The following NXPH1 variants were observed in gnomAD, a reference collection of about 807,000 sequenced individuals.
NXPH1 encodes neurexophilin 1.
In NXPH1, 5 loss-of-function variants were observed where a neutral mutation model predicts 23.7. The observed-to-expected ratio is 0.21, with a 90% CI of 0.11 to 0.44. The LOEUF (loss-of-function observed/expected upper bound fraction) is 0.44, where lower values mean the gene tolerates loss of function less well. Ranked by LOEUF, NXPH1 falls within the 20% of genes least tolerant of loss-of-function variation. NXPH1 has a pLI of 0.99. For missense variants in NXPH1, 324 were observed against 321.6 expected (o/e 1.01, Z -0.06); for synonymous variants, 144 against 122.2 (o/e 1.18, Z -1.18).
At chr7:8,579,825 A>G (rs370560188) in intron 2 of NXPH1, among the ~76,000 whole-genome samples, 1 of 152,198 alleles carries the variant, frequency 6.6e-6, no homozygotes, top group East Asian at 1.9e-4. Flanking sequence ...ACCTTGAAGG[A>G]TGGTCCAGCT....
At chr7:8,564,335 G>T (rs1423425380) in intron 2 of NXPH1, among the ~76,000 whole-genome samples, 1 of 151,804 alleles carries the variant, frequency 6.6e-6, no homozygotes, top group Non-Finnish European at 1.5e-5. Flanking sequence ...AAATAGTTCT[G>T]TTAATAAAAG....
chr7:8,655,568 ATG>A lies in NXPH1; in HGVS notation c.55-95416_55-95415del, dbSNP rs36170352. On this transcript the variant is annotated intron_variant, in intron 2 of 2. Coordinates refer to ENST00000405863, the MANE Select transcript of NXPH1 (RefSeq NM_152745.3). ...CTTTTTCATCTCAATGTGTAAATGC[ATG>A]TGTGTGTGTGTGTGTGTGTGTGTAT... 6.2e-3 allele frequency among the ~76,000 whole-genome samples: 231 copies of A among 37,436 alleles called. 55 individuals are homozygous for A. The highest frequency in any genetic ancestry group is 0.011 in the African/African-American group (140 of 12,194). 24.6% of individuals were successfully genotyped at this position (37,436 alleles called of 152,430 possible).
At chr7:8,643,663 C>A (rs1447443858) in intron 2 of NXPH1, among the ~76,000 whole-genome samples, 1 of 152,010 alleles carries the variant, frequency 6.6e-6, no homozygotes, top group Non-Finnish European at 1.5e-5. Flanking sequence ...TCTCTATATA[C>A]CTACTTATTG....
At chr7:8,607,208 C>T (rs540176618) in intron 2 of NXPH1, among the ~76,000 whole-genome samples, 7 of 152,152 alleles carry the variant, frequency 4.6e-5, no homozygotes, top group South Asian at 4.1e-4. Context: ...AATAATTGGC[C>T]TATCCATAAT....
chr7:8,683,755 T>C (rs907531974), intron 2 of NXPH1, among the ~76,000 whole-genome samples: 2 of 152,194 alleles, frequency 1.3e-5, no homozygotes, highest in Non-Finnish European at 2.9e-5. Context: ...GATCATCTTG[T>C]CACTTAACAA....
At chr7:8,643,420 C>T (rs1217443079) in intron 2 of NXPH1, among the ~76,000 whole-genome samples, 1 of 152,088 alleles carries the variant, frequency 6.6e-6, no homozygotes, top group African/African-American at 2.4e-5. Flanking sequence ...CATGAATATT[C>T]TCAAAATAGG....
intron 2 of NXPH1, among the ~76,000 whole-genome samples, chr7:8,593,657 C>T (rs1819152454): frequency 6.6e-6 from 1 of 151,882 alleles, no homozygotes; most frequent in Non-Finnish European, 1.5e-5. Context: ...AATAATACAC[C>T]AGTAGCCAGT....
intron 2 of NXPH1, among the ~76,000 whole-genome samples, chr7:8,474,374 T>C (rs1563320946): frequency 6.6e-6 from 1 of 152,166 alleles, no homozygotes; most frequent in Non-Finnish European, 1.5e-5. Flanking sequence ...TATTGTTTTA[T>C]ATATAGTACC....
At chr7:8,671,570 C>G (rs369791096) in intron 2 of NXPH1, among the ~76,000 whole-genome samples, 1 of 152,114 alleles carries the variant, frequency 6.6e-6, no homozygotes, top group African/African-American at 2.4e-5. Flanking sequence ...CTTGAATTGT[C>G]TTAAAGAAGC....
chr7:8,626,283 G>A (rs745494984), intron 2 of NXPH1, among the ~76,000 whole-genome samples: 1 of 151,866 alleles, frequency 6.6e-6, no homozygotes, highest in African/African-American at 2.4e-5. Flanking sequence ...CATAAATTAT[G>A]CATCTTTGGG....
At chr7:8,474,196 C>A (rs906261332) in intron 2 of NXPH1, among the ~76,000 whole-genome samples, 5 of 152,058 alleles carry the variant, frequency 3.3e-5, no homozygotes, top group African/African-American at 1.2e-4. Flanking sequence ...GACATAGAAT[C>A]AAGAATGAGG....
chr7:8,597,471 G>A (rs183792365), intron 2 of NXPH1, among the ~76,000 whole-genome samples: 119 of 152,036 alleles, frequency 7.8e-4, no homozygotes, highest in African/African-American at 2.6e-3. Context: ...TTTGAATAAA[G>A]GTTGTACAAT....
At chr7:8,733,027 AGCCCCCTACTACCTGACAG>A (rs1046054902) in intron 2 of NXPH1, among the ~76,000 whole-genome samples, 5 of 151,614 alleles carry the variant, frequency 3.3e-5, no homozygotes, top group African/African-American at 1.2e-4. Flanking sequence ...TCCCTCCCCT[AGCCCCCTACTACCTGACAG>A]GCCCCCTGTG....
At chr7:8,587,435 C>T (rs1244617372) in intron 2 of NXPH1, among the ~76,000 whole-genome samples, 1 of 151,998 alleles carries the variant, frequency 6.6e-6, no homozygotes, top group East Asian at 1.9e-4. Flanking sequence ...CAATCGGCAT[C>T]CAAAATAGCT....
At position 8,605,077 on chromosome 7, in the gene NXPH1, A is replaced by C. The variant is rs571432975; in HGVS notation, c.55-145931A>C. ...TATAGCTTTTCCTTTGTATTTTAAC[A>C]TTTGAAATAACTTCAAGTGAATTCA... On this transcript the variant is annotated intron_variant, in intron 2 of 2. Coordinates refer to ENST00000405863, the MANE Select transcript of NXPH1 (RefSeq NM_152745.3). Among the ~76,000 whole-genome samples the C allele has an allele frequency of 8.5e-4, 130 of 152,262 alleles. 1 individual carries two copies. The highest frequency in any genetic ancestry group is 3.0e-3 in the African/African-American group (124 of 41,576).
intron 2 of NXPH1, among the ~76,000 whole-genome samples, chr7:8,579,955 C>T (rs1818834065): frequency 6.6e-6 from 1 of 152,112 alleles, no homozygotes; most frequent in Admixed American, 6.5e-5. Context: ...AAAGTCTTTA[C>T]ATAAAAAACG....
chr7:8,549,515 G>A (rs982746847), intron 2 of NXPH1, among the ~76,000 whole-genome samples: 2 of 151,438 alleles, frequency 1.3e-5, no homozygotes, highest in African/African-American at 2.4e-5. Flanking sequence ...CCTGTTTTGA[G>A]TAAGTTGTTT....
At chr7:8,693,642 C>G (rs80228327) in intron 2 of NXPH1, among the ~76,000 whole-genome samples, 2,211 of 152,298 alleles carry the variant, frequency 0.015, 28 homozygotes, top group Non-Finnish European at 0.022. Context: ...TTTAAAATCT[C>G]AGACCAGAAA....
At chr7:8,559,244 C>T (rs1344940368) in intron 2 of NXPH1, among the ~76,000 whole-genome samples, 6 of 151,650 alleles carry the variant, frequency 4.0e-5, no homozygotes, top group African/African-American at 9.7e-5. Context: ...AGGCATGAGC[C>T]GCCACGCCCT....
Sources: allele counts gnomAD v4.1 joint callset (sites outside exome capture counted in the v4.1 genomes callset), GRCh38; gene constraint gnomAD v4.1.1; transcripts MANE v1.5; gene names NCBI Gene and HGNC (gene_info 2026-07-23, HGNC 2026-07-21).